Variants in BTBD10 observed in about 807,000 individuals in gnomAD.
BTBD10 encodes the protein BTB/POZ domain-containing protein 10.
Under a neutral mutation model 53.2 loss-of-function variants are expected in BTBD10, and 21 were observed. The observed-to-expected ratio is 0.39, with a 90% CI of 0.28 to 0.57. The LOEUF (loss-of-function observed/expected upper bound fraction) is 0.57. Ranked by LOEUF, BTBD10 falls within the 20% of genes least tolerant of loss-of-function variation. The probability of loss-of-function intolerance (pLI) is 0.53; values close to 1 mark genes in which losing one functional copy is unlikely to be tolerated. For missense variants in BTBD10, 360 were observed against 594.7 expected, an observed-to-expected ratio of 0.61 and a Z score of 4.10; for synonymous variants, 149 against 192.7, an observed-to-expected ratio of 0.77 and a Z score of 1.88.
At position 13,444,582 on chromosome 11, in the gene BTBD10, A is replaced by C. The variant is rs529551676; in HGVS notation, c.101+442T>G. Among the ~76,000 whole-genome samples the C allele has an allele frequency of 1.8e-4, 28 of 152,316 alleles. No homozygotes were observed. The South Asian group carries it at 5.4e-3, about 29-fold the overall frequency. The stretch of plus-strand genomic sequence containing the variant: ...GAAAGATTAATTTTTCTCATTAATG[A>C]GAAGGATGACAACACAATATAAACT... On this transcript the variant is annotated intron_variant, in intron 2 of 8. Transcript: ENST00000278174.
chr11:13,434,747 T>C (rs1950516510), intron 2 of BTBD10, among the ~76,000 whole-genome samples: 1 of 152,220 alleles, frequency 6.6e-6, no homozygotes, highest in Non-Finnish European at 1.5e-5. Context: ...TTTCAGATGT[T>C]ACTGTAAATA....
chr11:13,418,853 C>T (rs1207618151), intron 4 of BTBD10, among the ~76,000 whole-genome samples: 2 of 151,948 alleles, frequency 1.3e-5, no homozygotes, highest in Non-Finnish European at 2.9e-5. Flanking sequence ...TTGTCTATAT[C>T]CTTCTTAGAC....
rs1356853483 is a variant in BTBD10 at position 13,419,739 on chromosome 11, T to A, written c.305A>T (p.Glu102Val). 6.3e-7 allele frequency: 1 copy of A among 1,578,306 alleles called. No homozygotes were observed. The highest frequency in any genetic ancestry group is 8.6e-7 in the Non-Finnish European group (1 of 1,163,948). ...TGGACGAGAGGAACTGTGATCTTTT[T>A]CTCGTTCTGAAATAAAGATGTTAGA... Reference protein sequence around the residue: ...SPTRQHHVEREKDHSSSRPSS... With the variant: ...SPTRQHHVERVKDHSSSRPSS... The change falls in exon 4 of 9, where the codon GAA becomes GTA. Residue 102 changes from glutamate (E) to valine (V), a missense_variant. Coordinates refer to ENST00000278174, the MANE Select transcript of BTBD10 (RefSeq NM_032320.7).
chr11:13,439,219 T>C (rs1429207231), intron 2 of BTBD10, among the ~76,000 whole-genome samples: 1 of 152,068 alleles, frequency 6.6e-6, no homozygotes, highest in African/African-American at 2.4e-5. Context: ...TGTTGTAAAA[T>C]TTCCTAATAA....
intron 6 of BTBD10, among the ~76,000 whole-genome samples, chr11:13,410,721 G>A (rs1214051921): frequency 6.6e-6 from 1 of 152,134 alleles, no homozygotes; most frequent in African/African-American, 2.4e-5. Context: ...TCTATGAGGT[G>A]GCTAAATGTA....
chr11:13,411,784 C>T (rs985496528), intron 6 of BTBD10, among the ~76,000 whole-genome samples: 13 of 151,610 alleles, frequency 8.6e-5, no homozygotes, highest in African/African-American at 2.7e-4. Context: ...TATGAATAGA[C>T]ACAAAACTTG....
intron 1 of BTBD10, among the ~76,000 whole-genome samples, chr11:13,448,607 T>G (rs900169742): frequency 6.6e-6 from 1 of 152,210 alleles, no homozygotes; most frequent in African/African-American, 2.4e-5. Context: ...GAATCTTCTT[T>G]TGACTCCTTC....
chr11:13,414,713 A>G (rs892131973), intron 5 of BTBD10, among the ~76,000 whole-genome samples: 7 of 151,358 alleles, frequency 4.6e-5, no homozygotes, highest in Non-Finnish European at 8.8e-5. Context: ...GGTGGTGCAC[A>G]CCTGTAATCC....
At chr11:13,415,955 CT>C (rs1950097183) in intron 5 of BTBD10, among the ~76,000 whole-genome samples, 1 of 151,232 alleles carries the variant, frequency 6.6e-6, no homozygotes, top group South Asian at 2.1e-4. Flanking sequence ...CACACCCAGC[CT>C]TATGAACCAA....
At chr11:13,443,694 G>A (rs568595114) in intron 2 of BTBD10, among the ~76,000 whole-genome samples, 268 of 151,506 alleles carry the variant, frequency 1.8e-3, no homozygotes, top group African/African-American at 6.2e-3. Flanking sequence ...AGGAATTCTC[G>A]TGCCTCAACC....
At chr11:13,455,852 C>T (rs1265617690) in intron 1 of BTBD10, among the ~76,000 whole-genome samples, 2 of 152,172 alleles carry the variant, frequency 1.3e-5, no homozygotes, top group East Asian at 3.9e-4. Flanking sequence ...TATGCTGTTC[C>T]ATTTTGACCT....
At position 13,419,611 on chromosome 11, in the gene BTBD10, T is replaced by C. The variant is rs34185489; in HGVS notation, c.433A>G (p.Thr145Ala). 2.9e-3 allele frequency: 4,741 copies of C among 1,614,112 alleles called. 106 individuals carry two copies. In the African/African-American group the frequency reaches 0.054, roughly 18 times the overall value. ...SQSSSDGSCK[T>A]AGEMVFVYEN... ...TATACAAACACCATCTCCCCAGCTG[T>C]CTTACAGCTACCATCTGAACTTGAC... The change falls in exon 4 of 9, where the codon ACA becomes GCA. Residue 145 changes from threonine to alanine, a missense_variant. Transcript: ENST00000278174.
chr11:13,414,256 C>T lies in BTBD10; in HGVS notation c.688-606G>A, dbSNP rs1427916898. On this transcript the variant is annotated intron_variant, in intron 5 of 8. Coordinates refer to ENST00000278174, the MANE Select transcript of BTBD10 (RefSeq NM_032320.7). ...ACTTAGTAAGTTGTTAAAGGACAAC[C>T]CCAGAATCACAGATAAGTTACTTCA... 2.0e-5 allele frequency among the ~76,000 whole-genome samples: 3 copies of T among 152,030 alleles called. No homozygotes were observed. In the East Asian group the frequency reaches 5.8e-4, roughly 29 times the overall value.
chr11:13,428,777 G>T (rs1174077643), intron 2 of BTBD10, among the ~76,000 whole-genome samples: 1 of 152,050 alleles, frequency 6.6e-6, no homozygotes, highest in Non-Finnish European at 1.5e-5. Context: ...ATGTACTGAG[G>T]ATTATAGCCA....
chr11:13,392,534 A>C (rs1219249270), intron 8 of BTBD10, among the ~76,000 whole-genome samples: 1 of 152,202 alleles, frequency 6.6e-6, no homozygotes, highest in South Asian at 2.1e-4. Flanking sequence ...AGAGTAAATT[A>C]TACTCTTTAT....
chr11:13,411,685 C>T (rs1218216634), intron 6 of BTBD10, among the ~76,000 whole-genome samples: 1 of 152,112 alleles, frequency 6.6e-6, no homozygotes, highest in Non-Finnish European at 1.5e-5. Context: ...AAGAGATTCA[C>T]ATCATCTGTA....
chr11:13,445,829 T>A (rs1254867626), intron 1 of BTBD10, among the ~76,000 whole-genome samples: 1 of 152,186 alleles, frequency 6.6e-6, no homozygotes, highest in Non-Finnish European at 1.5e-5. Flanking sequence ...AATGAAATGA[T>A]AAGGAAACTC....
At chr11:13,409,572 T>C (rs1436323721) in intron 6 of BTBD10, among the ~76,000 whole-genome samples, 1 of 152,154 alleles carries the variant, frequency 6.6e-6, no homozygotes, top group African/African-American at 2.4e-5. Context: ...TTTTTTTGAG[T>C]ACCCTAAATA....
chr11:13,416,876 C>T (rs916472409), intron 5 of BTBD10, among the ~76,000 whole-genome samples: 1 of 151,974 alleles, frequency 6.6e-6, no homozygotes, highest in African/African-American at 2.4e-5. Context: ...CCCAACTACT[C>T]AGGAGGTGTG....
Sources: gnomAD v4.1 joint callset for allele counts (sites outside exome capture counted in the v4.1 genomes callset) on GRCh38, gnomAD v4.1.1 for gene constraint, MANE v1.5 for transcripts, NCBI Gene and HGNC (gene_info 2026-07-23, HGNC 2026-07-21) for gene names.